CSMD2: variants seen among roughly 807,000 people sequenced by gnomAD.
CSMD2 encodes the protein CUB and sushi domain-containing protein 2.
In CSMD2, 130 loss-of-function variants were observed where a neutral mutation model predicts 398.5. The observed-to-expected ratio is 0.33, with a 90% confidence interval of 0.28 to 0.38. The LOEUF (loss-of-function observed/expected upper bound fraction) is 0.38. Ranked by LOEUF, CSMD2 falls within the 10% of genes least tolerant of loss-of-function variation. The pLI, the probability that CSMD2 is intolerant of heterozygous loss-of-function variation, is 1.00. For missense variants in CSMD2, 3,829 were observed against 4,764.9 expected (o/e 0.80, Z 5.78); for synonymous variants, 1,828 against 1,908.5 (o/e 0.96, Z 1.10).
intron 21 of CSMD2, among the ~76,000 whole-genome samples, chr1:33,709,890 G>C (rs1261221736): frequency 1.3e-5 from 2 of 152,068 alleles, no homozygotes; most frequent in African/African-American, 4.8e-5. Context: ...ACGAGGAGGA[G>C]GGGGCTGAGA....
At chr1:34,056,151 C>T (rs1353519618) in intron 2 of CSMD2, among the ~76,000 whole-genome samples, 2 of 152,222 alleles carry the variant, frequency 1.3e-5, no homozygotes, top group Admixed American at 1.3e-4. Flanking sequence ...GACTATTCTT[C>T]CTACTCCATT....
chr1:33,542,931 C>T, intron 57 of CSMD2, 35 bp from the exon 58 acceptor site: 3 of 1,582,450 alleles, frequency 1.9e-6, no homozygotes, highest in Non-Finnish European at 2.6e-6. Flanking sequence ...TTCACCAGAA[C>T]AATGGTGGGT....
Position 33,625,078 on chromosome 1 carries a change from A to G in CSMD2, c.5473T>C (p.Trp1825Arg). The stretch of plus-strand genomic sequence containing the variant: ...ACACACGTGGGCGCTGAGACATTCC[A>G]TTGGGCCAAGGCCCCAGGCACAGGG... Reference protein sequence around the residue: ...CLPVPGALAQWNVSAPTCVVP... With the variant: ...CLPVPGALAQRNVSAPTCVVP... The change falls in exon 34 of 71, where the codon TGG becomes CGG. Residue 1825 changes from tryptophan (W) to arginine (R), a missense_variant. Trp to Arg is a moderately radical substitution (Grantham distance 101). Coordinates refer to ENST00000373381, the MANE Select transcript of CSMD2 (RefSeq NM_001281956.2). 1 of 1,613,824 alleles carries G rather than the reference A, an allele frequency of 6.2e-7. No homozygotes were observed.
chr1:34,077,100 C>A (rs1274393123), intron 2 of CSMD2, among the ~76,000 whole-genome samples: 2 of 151,014 alleles, frequency 1.3e-5, no homozygotes, highest in South Asian at 2.1e-4. Context: ...AGGGAGGTAA[C>A]GTTTCAGCCT....
chr1:33,902,791 T>G (rs1320610013), intron 5 of CSMD2, among the ~76,000 whole-genome samples: 1 of 152,086 alleles, frequency 6.6e-6, no homozygotes, highest in Non-Finnish European at 1.5e-5. Context: ...TCCCTGGCGG[T>G]CCCCAAGTTC....
intron 13 of CSMD2, 70 bp downstream of exon 13, chr1:33,772,499 G>C: frequency 6.8e-7 from 1 of 1,473,482 alleles, no homozygotes; most frequent in Non-Finnish European, 9.3e-7. Flanking sequence ...CGGGGCCCCT[G>C]GATTAGCTAG....
At chr1:34,138,641 T>C (rs1188347511) in intron 1 of CSMD2, among the ~76,000 whole-genome samples, 1 of 152,210 alleles carries the variant, frequency 6.6e-6, no homozygotes, top group African/African-American at 2.4e-5. Context: ...ATTATTTCTT[T>C]AGGGTAAATT....
rs1389590300 is a variant in CSMD2 at position 33,562,579 on chromosome 1, G to A, written c.8381-3106C>T. Among the ~76,000 whole-genome samples the A allele has an allele frequency of 2.6e-5, 4 of 152,212 alleles. No individual in the cohort carries two copies. In the East Asian group the frequency reaches 7.7e-4, roughly 29 times the overall value. On this transcript the variant is annotated intron_variant, in intron 53 of 70. Transcript: ENST00000373381. The stretch of plus-strand genomic sequence containing the variant: ...TGTAGGCAACCGTCTCAAGCAGCAT[G>A]GCCATGTGATGGTTAACTTCACGTG...
chr1:33,594,022 C>T (rs1490369662), intron 44 of CSMD2, among the ~76,000 whole-genome samples: 1 of 152,070 alleles, frequency 6.6e-6, no homozygotes, highest in Non-Finnish European at 1.5e-5. Flanking sequence ...ATCCCTTTTC[C>T]ACCTTCTTGC....
rs187910091 is a variant in CSMD2 at position 33,782,276 on chromosome 1, G to C, written c.1663+6324C>G. Among the ~76,000 whole-genome samples the C allele has an allele frequency of 7.9e-5, 12 of 152,298 alleles. No homozygotes were observed. In the East Asian group the frequency reaches 2.3e-3, roughly 29 times the overall value. On this transcript the variant is annotated intron_variant, in intron 12 of 70. Transcript: ENST00000373381. ...AATAACAGGGGCTAAAATGGAGGCAGAGGTAATTCTGAAGCTTCAGGTAAT... is the reference window on the plus strand; with the variant it reads ...AATAACAGGGGCTAAAATGGAGGCACAGGTAATTCTGAAGCTTCAGGTAAT...
intron 2 of CSMD2, among the ~76,000 whole-genome samples, chr1:34,033,296 A>G (rs773315847): frequency 1.3e-5 from 2 of 152,250 alleles, no homozygotes; most frequent in Non-Finnish European, 2.9e-5. Flanking sequence ...ATGGAATCAT[A>G]TTCAATGAAA....
intron 1 of CSMD2, among the ~76,000 whole-genome samples, chr1:34,139,935 A>T (rs1639115135): frequency 6.6e-6 from 1 of 152,174 alleles, no homozygotes; most frequent in South Asian, 2.1e-4. Flanking sequence ...GCAATGTTTT[A>T]CTAGAGTTGT....
intron 13 of CSMD2, among the ~76,000 whole-genome samples, chr1:33,764,720 A>G (rs1650266688): frequency 6.6e-6 from 1 of 152,262 alleles, no homozygotes; most frequent in African/African-American, 2.4e-5. Context: ...AGGCTGATGC[A>G]TTTAAATCTT....
At chr1:33,638,115 C>G (rs1396961703) in intron 29 of CSMD2, among the ~76,000 whole-genome samples, 3 of 152,138 alleles carry the variant, frequency 2.0e-5, no homozygotes, top group Non-Finnish European at 4.4e-5. Flanking sequence ...CATTTAAACC[C>G]AAGTGGGACC....
At chr1:33,736,025 A>T (rs376341374) in intron 15 of CSMD2, among the ~76,000 whole-genome samples, 29 of 152,184 alleles carry the variant, frequency 1.9e-4, no homozygotes, top group African/African-American at 7.0e-4. Flanking sequence ...CCTGGCATGC[A>T]ACTTCCCAGA....
intron 55 of CSMD2, among the ~76,000 whole-genome samples, chr1:33,555,427 G>A (rs934271508): frequency 8.5e-5 from 13 of 152,222 alleles, no homozygotes; most frequent in African/African-American, 3.1e-4. Context: ...AAAGGATTTA[G>A]AACTTCACAT....
intron 2 of CSMD2, among the ~76,000 whole-genome samples, chr1:34,066,935 T>C (rs1336491567): frequency 6.6e-6 from 1 of 152,158 alleles, no homozygotes; most frequent in Non-Finnish European, 1.5e-5. Context: ...GAAATGATAG[T>C]GAAGCAATTC....
At chr1:33,751,598 G>T (rs529850169) in intron 13 of CSMD2, among the ~76,000 whole-genome samples, 145 of 152,252 alleles carry the variant, frequency 9.5e-4, no homozygotes, top group Admixed American at 1.4e-3. Flanking sequence ...CCTGCAAGGA[G>T]ATGAGAGTGT....
At chr1:33,981,244 T>C (rs1408848) in intron 3 of CSMD2, among the ~76,000 whole-genome samples, 36,813 of 152,160 alleles carry the variant, frequency 0.24, 5,592 homozygotes, top group Non-Finnish European at 0.34. Flanking sequence ...TGCACTCACT[T>C]CCCACTTATT....
Sources: allele counts gnomAD v4.1 joint callset (sites outside exome capture counted in the v4.1 genomes callset), GRCh38; gene constraint gnomAD v4.1.1; transcripts MANE v1.5; gene names NCBI Gene and HGNC (gene_info 2026-07-23, HGNC 2026-07-21).